C3orf70: variants seen among roughly 807,000 people sequenced by gnomAD.
The protein encoded by C3orf70 is chromosome 3 open reading frame 70, also known as UPF0524 protein C3orf70.
C3orf70 carries 15 observed loss-of-function variants against 20.7 expected under a neutral mutation model. The observed-to-expected ratio is 0.72, with a 90% CI of 0.48 to 1.11. The LOEUF (loss-of-function observed/expected upper bound fraction) is 1.11. Among genes scored for constraint, C3orf70 ranks in the 50% most tolerant of loss-of-function variants. The pLI is 0.00. For missense variants in C3orf70, 332 were observed against 317.6 expected, an observed-to-expected ratio of 1.05 and a Z score of -0.34; for synonymous variants, 161 against 125.7, an observed-to-expected ratio of 1.28 and a Z score of -1.88.
intron 1 of C3orf70, among the ~76,000 whole-genome samples, chr3:185,110,957 T>G (rs561047862): frequency 6.6e-6 from 1 of 152,344 alleles, no homozygotes; most frequent in African/African-American, 2.4e-5. Flanking sequence ...GACCCCTGAT[T>G]TCCCACTTCA....
intron 1 of C3orf70, among the ~76,000 whole-genome samples, chr3:185,136,692 C>T (rs1239892797): frequency 1.3e-5 from 2 of 152,094 alleles, no homozygotes; most frequent in Non-Finnish European, 2.9e-5. Context: ...CCACAGCACT[C>T]CAGCCTGGGC....
intron 1 of C3orf70, among the ~76,000 whole-genome samples, chr3:185,139,470 T>G (rs1716700520): frequency 6.6e-6 from 1 of 151,350 alleles, no homozygotes; most frequent in African/African-American, 2.4e-5. Context: ...GGAGAATTGC[T>G]TGAACCCAGG....
intron 1 of C3orf70, among the ~76,000 whole-genome samples, chr3:185,090,371 C>T (rs188538667): frequency 6.8e-4 from 104 of 152,276 alleles, no homozygotes; most frequent in Middle Eastern, 3.4e-3. Context: ...ATCAGTTGTA[C>T]GCTTTGATTC....
At chr3:185,100,774 A>T (rs1047886241) in intron 1 of C3orf70, among the ~76,000 whole-genome samples, 1 of 151,730 alleles carries the variant, frequency 6.6e-6, no homozygotes, top group African/African-American at 2.4e-5. Context: ...AAAAAAAAAA[A>T]TTAACAAAAT....
intron 1 of C3orf70, among the ~76,000 whole-genome samples, chr3:185,131,528 A>G (rs755003063): frequency 3.9e-5 from 6 of 152,186 alleles, no homozygotes; most frequent in Non-Finnish European, 7.3e-5. Context: ...ACAACTTTTT[A>G]AAAAGGGACA....
rs767180889 is a variant in C3orf70 at position 185,085,164 on chromosome 3, C to T, written c.197-1601G>A. On this transcript the variant is annotated intron_variant, in intron 1 of 1. Transcript: ENST00000335012. Reference sequence around the variant, plus strand: ...ATCTTCATGAGCATCTTTTTGCAGGCGAATTACTCATGTGTATGGTACTTG... The same window carrying T: ...ATCTTCATGAGCATCTTTTTGCAGGTGAATTACTCATGTGTATGGTACTTG... 4.6e-5 allele frequency among the ~76,000 whole-genome samples: 7 copies of T among 152,084 alleles called. 1 individual carries two copies. Among genetic ancestry groups the T allele is most frequent in the South Asian group, 2.1e-4 (1 of 4,824 alleles).
chr3:185,111,621 T>C (rs1270249260), intron 1 of C3orf70, among the ~76,000 whole-genome samples: 2 of 152,218 alleles, frequency 1.3e-5, no homozygotes, highest in African/African-American at 4.8e-5. Context: ...AGTGGGGATG[T>C]AAAATGGTAT....
intron 1 of C3orf70, among the ~76,000 whole-genome samples, chr3:185,087,913 AT>A (rs10714484): frequency 0.52 from 69,132 of 134,228 alleles, 18,282 homozygotes; most frequent in East Asian, 0.73. Context: ...AGTTTTATAC[AT>A]TTTTTTTTTT....
chr3:185,124,449 A>G (rs919202665), intron 1 of C3orf70, among the ~76,000 whole-genome samples: 1 of 152,236 alleles, frequency 6.6e-6, no homozygotes. Context: ...CTTCCAATAC[A>G]GCTATGGTAA....
At chr3:185,122,050 G>A (rs1716308431) in intron 1 of C3orf70, among the ~76,000 whole-genome samples, 1 of 145,642 alleles carries the variant, frequency 6.9e-6, no homozygotes, top group Non-Finnish European at 1.5e-5. Flanking sequence ...AGTGAACCGA[G>A]ATCGTGCCAC....
intron 1 of C3orf70, among the ~76,000 whole-genome samples, chr3:185,108,620 C>A (rs1715996350): frequency 6.6e-6 from 1 of 152,232 alleles, no homozygotes; most frequent in Admixed American, 6.5e-5. Context: ...ATGCTAGACA[C>A]TTTCACAATT....
At chr3:185,095,272 GA>G (rs1393686669) in intron 1 of C3orf70, among the ~76,000 whole-genome samples, 3 of 152,186 alleles carry the variant, frequency 2.0e-5, no homozygotes, top group Admixed American at 2.0e-4. Context: ...ATTGCAGTCT[GA>G]AAAAATCCAT....
intron 1 of C3orf70, 100 bp from the exon 2 acceptor site, chr3:185,083,663 A>C: frequency 1.0e-6 from 1 of 979,132 alleles, no homozygotes; most frequent in Non-Finnish European, 1.5e-6. Flanking sequence ...AAAATATTTC[A>C]GTAACACCTC....
intron 1 of C3orf70, among the ~76,000 whole-genome samples, chr3:185,111,617 G>A (rs1716074221): frequency 6.6e-6 from 1 of 152,216 alleles, no homozygotes; most frequent in Non-Finnish European, 1.5e-5. Context: ...TGATAGTGGG[G>A]ATGTAAAATG....
intron 1 of C3orf70, among the ~76,000 whole-genome samples, chr3:185,117,480 A>G (rs984926408): frequency 1.4e-5 from 2 of 144,078 alleles, no homozygotes; most frequent in Non-Finnish European, 3.0e-5. Flanking sequence ...GAGAGAGAGA[A>G]AAGCCACTGA....
intron 1 of C3orf70, among the ~76,000 whole-genome samples, chr3:185,102,571 T>G (rs1241539753): frequency 1.3e-5 from 2 of 152,190 alleles, no homozygotes. Flanking sequence ...TAAAATGCAC[T>G]GGAACCAAAA....
rs1715369761 is a variant in C3orf70 at position 185,082,690 on chromosome 3, T to C, written c.*317A>G. On this transcript the variant is annotated 3_prime_UTR_variant, in exon 2 of 2. Coordinates refer to ENST00000335012, the MANE Select transcript of C3orf70 (RefSeq NM_001025266.3). ...CTTCCCTTTCGGTACCTCCTCAATCTGATCCAAGATTCTCTGCGACCATCA... is the reference window on the plus strand; with the variant it reads ...CTTCCCTTTCGGTACCTCCTCAATCCGATCCAAGATTCTCTGCGACCATCA... The C allele has an allele frequency of 3.5e-6, 1 of 288,950 alleles. No individual in the cohort carries two copies. The highest frequency in any genetic ancestry group is 6.2e-5 in the South Asian group (1 of 16,166). The allele number at this position is 288,950 out of a possible 1,614,324, so 17.9% of individuals were successfully genotyped here.
chr3:185,082,755 G>A lies in C3orf70; in HGVS notation c.*252C>T, dbSNP rs1160532089. 2 of 430,670 alleles carry A rather than the reference G, an allele frequency of 4.6e-6. No individual in the cohort carries two copies. The highest frequency in any genetic ancestry group is 8.3e-6 in the Non-Finnish European group (2 of 242,408). The allele number at this position is 430,670 out of a possible 1,614,324, so 26.7% of individuals were successfully genotyped here. A position where few individuals can be genotyped will look rare whatever the true frequency, so the allele number is the denominator to read the frequency against. Reference sequence around the variant, plus strand: ...AATCTCCCAGTGAAATTAAGGCGGGGTCACAATTCATGACACCAGATGCTA... The same window carrying A: ...AATCTCCCAGTGAAATTAAGGCGGGATCACAATTCATGACACCAGATGCTA... On this transcript the variant is annotated 3_prime_UTR_variant, in exon 2 of 2. Transcript: ENST00000335012.
rs1715318639 is a variant in C3orf70, at chr3:185,080,739, CAGAT to C, written c.*2264_*2267del. The C allele has an allele frequency of 6.6e-6, 1 of 152,128 alleles. No homozygotes were observed. 9.4% of individuals were successfully genotyped at this position (152,128 alleles called of 1,614,324 possible). A position where few individuals can be genotyped will look rare whatever the true frequency, so the allele number is the denominator to read the frequency against. On this transcript the variant is annotated 3_prime_UTR_variant, in exon 2 of 2. Transcript: ENST00000335012. Reference sequence around the variant, plus strand: ...ACCGAGAACCTCGGGCAGGGTTCATCAGATGTCCCTGTGCCACCTGAGCCATGCC... The same window carrying C: ...ACCGAGAACCTCGGGCAGGGTTCATCGTCCCTGTGCCACCTGAGCCATGCC...
Sources: gnomAD v4.1 joint callset for allele counts (sites outside exome capture counted in the v4.1 genomes callset) on GRCh38, gnomAD v4.1.1 for gene constraint, MANE v1.5 for transcripts, NCBI Gene and HGNC (gene_info 2026-07-23, HGNC 2026-07-21) for gene names.